SCN7A: variants seen among roughly 807,000 people sequenced by gnomAD.
The protein encoded by SCN7A is sodium channel protein type 7 subunit alpha.
SCN7A carries 138 observed loss-of-function variants against 155.2 expected under a neutral mutation model. That is an observed-to-expected ratio of 0.89 (90% CI 0.77 to 1.02). SCN7A has a LOEUF of 1.02. Among genes scored for constraint, SCN7A ranks in the 50% least tolerant of loss-of-function variants. The probability of loss-of-function intolerance (pLI) is 0.00; values close to 1 mark genes in which losing one functional copy is unlikely to be tolerated. For missense variants in SCN7A, 2,058 were observed against 1,986.6 expected, an observed-to-expected ratio of 1.04 and a Z score of -0.68; for synonymous variants, 693 against 649.0, an observed-to-expected ratio of 1.07 and a Z score of -1.03.
At chr2:166,466,026 T>C in intron 7 of SCN7A, 39 bp from the exon 8 acceptor site, 1 of 1,484,274 alleles carries the variant, frequency 6.7e-7, no homozygotes. Flanking sequence ...TAATGTAATA[T>C]CTTAGAAAAG....
rs755341149 is a variant in SCN7A at position 166,456,955 on chromosome 2, T to C, written c.1205A>G (p.Gln402Arg). 48 of 1,594,908 alleles carry C rather than the reference T, an allele frequency of 3.0e-5. No individual in the cohort carries two copies. Among genetic ancestry groups the C allele is most frequent in the Non-Finnish European group, 3.6e-5 (42 of 1,170,084 alleles). ...CTTCTTAGATATTTCACCAACTCTC[T>C]GCTTTTCTTCTTCATAGGCCATGGC... ...ILAMAYEEEK[Q>R]RVGEISKKIE... The change falls in exon 11 of 26, where the codon CAG becomes CGG. Residue 402 changes from glutamine (Q) to arginine (R), a missense_variant. Gln to Arg is a conservative substitution (Grantham distance 43). Coordinates refer to ENST00000643258, the MANE Select transcript of SCN7A (RefSeq NM_002976.4).
chr2:166,414,002 T>TATATATATATATATAA (rs1443391022), intron 21 of SCN7A, among the ~76,000 whole-genome samples: 10 of 90,316 alleles, frequency 1.1e-4, no homozygotes, highest in African/African-American at 4.1e-4. Flanking sequence ...TATATATATA[T>TATATATATATATATAA]AAATATACTA....
At chr2:166,439,381 T>C (rs1231579966) in intron 15 of SCN7A, among the ~76,000 whole-genome samples, 2 of 152,066 alleles carry the variant, frequency 1.3e-5, no homozygotes, top group Admixed American at 6.6e-5. Flanking sequence ...CTGTGGCTTC[T>C]AGAAAAGAAA....
intron 2 of SCN7A, among the ~76,000 whole-genome samples, chr2:166,486,276 A>G (rs1703046173): frequency 6.6e-6 from 1 of 152,190 alleles, no homozygotes; most frequent in South Asian, 2.1e-4. Context: ...TAGATCCACA[A>G]ATGATACCCT....
intron 9 of SCN7A, among the ~76,000 whole-genome samples, chr2:166,464,785 T>G (rs1702491194): frequency 6.6e-6 from 1 of 152,156 alleles, no homozygotes; most frequent in African/African-American, 2.4e-5. Context: ...ATGATAGATT[T>G]ATATTGTCTT....
chr2:166,469,975 T>C (rs923173174), intron 7 of SCN7A, among the ~76,000 whole-genome samples: 1 of 151,900 alleles, frequency 6.6e-6, no homozygotes, highest in African/African-American at 2.4e-5. Flanking sequence ...CACTTCTGAA[T>C]TGCAGCTGAA....
rs375736846 is a variant in SCN7A, at chr2:166,416,781, C to T, written c.3340G>A (p.Glu1114Lys). Residue 1114 changes from glutamate (E) to lysine (K), a missense_variant, in exon 21 of 26, where the codon GAA becomes AAA. Coordinates refer to ENST00000643258, the MANE Select transcript of SCN7A (RefSeq NM_002976.4). ...TTTGCATTTTCCCATAGCATGGATT[C>T]GTTAAACAGAAGGCTTTCACACCGA... ...KSRCESLLFN[E>K]SMLWENAKMN... is the part of the protein sequence containing the mutation. 113 of 1,613,086 alleles carry T rather than the reference C, an allele frequency of 7.0e-5. No individual in the cohort carries two copies. The highest frequency in any genetic ancestry group is 9.0e-5 in the Non-Finnish European group (106 of 1,179,586).
chr2:166,474,526 T>C (rs1261063641), intron 3 of SCN7A, among the ~76,000 whole-genome samples, 182 bp from the exon 4 acceptor site: 3 of 151,828 alleles, frequency 2.0e-5, no homozygotes, highest in Admixed American at 1.3e-4. Flanking sequence ...TATTCATATT[T>C]AGGCTTGCCT....
intron 25 of SCN7A, among the ~76,000 whole-genome samples, chr2:166,409,376 T>C (rs559606790): frequency 1.3e-5 from 2 of 152,078 alleles, no homozygotes; most frequent in South Asian, 4.1e-4. Context: ...TTAGTGTATA[T>C]TATAGAATGA....
chr2:166,460,504 C>T (rs767755680), intron 10 of SCN7A, among the ~76,000 whole-genome samples: 2 of 151,832 alleles, frequency 1.3e-5, no homozygotes, highest in African/African-American at 2.4e-5. Flanking sequence ...GGAAAATAAC[C>T]GGACAAGCAA....
chr2:166,471,007 A>C (rs1702643278), intron 6 of SCN7A, among the ~76,000 whole-genome samples: 1 of 151,906 alleles, frequency 6.6e-6, no homozygotes, highest in African/African-American at 2.4e-5. Context: ...CTAATTACTG[A>C]AAAGATAGTT....
chr2:166,414,018 A>G lies in SCN7A; in HGVS notation c.3415-897T>C, dbSNP rs1314909523. Among the ~76,000 whole-genome samples, 92 of 91,390 alleles carry G rather than the reference A, an allele frequency of 1.0e-3. 1 individual carries two copies. Among genetic ancestry groups the G allele is most frequent in the Non-Finnish European group, 1.7e-3 (78 of 46,970 alleles). 60.0% of individuals were successfully genotyped at this position (91,390 alleles called of 152,430 possible). On this transcript the variant is annotated intron_variant, in intron 21 of 25. Coordinates refer to ENST00000643258, the MANE Select transcript of SCN7A (RefSeq NM_002976.4). ...ATATATATATAAATATACTATATAT[A>G]TGTAAATATATATAAATATATTTAT...
At chr2:166,460,088 T>G (rs1702368986) in intron 10 of SCN7A, among the ~76,000 whole-genome samples, 1 of 152,140 alleles carries the variant, frequency 6.6e-6, no homozygotes, top group South Asian at 2.1e-4. Flanking sequence ...GTAACAAATC[T>G]GCACATTCTG....
rs756837268 is a variant in SCN7A, at chr2:166,416,719, A to G, written c.3402T>C (p.Ser1134=). ...AAAGTGTACTTACTACTTGAAGCAG[A>G]GAAAGGAAACCATTTCCAACATTAT... ...NFDNVGNGFL[S]LLQVATFNGW... The change falls in exon 21 of 26, where the codon TCT becomes TCC. Residue 1134 remains serine, a synonymous_variant. Transcript: ENST00000643258. 6.8e-6 allele frequency: 11 copies of G among 1,606,208 alleles called. No homozygotes were observed. In the East Asian group the frequency reaches 2.5e-4, roughly 36 times the overall value.
intron 2 of SCN7A, among the ~76,000 whole-genome samples, chr2:166,483,113 G>A (rs1463399073): frequency 6.6e-6 from 1 of 151,948 alleles, no homozygotes; most frequent in Non-Finnish European, 1.5e-5. Flanking sequence ...ATTTTATATT[G>A]TTGACTGAAG....
chr2:166,421,214 A>T lies in SCN7A; in HGVS notation c.3111T>A (p.Val1037=), dbSNP rs1175909781. The T allele has an allele frequency of 7.8e-6, 12 of 1,530,622 alleles. 1 individual carries two copies. In the South Asian group the frequency reaches 1.4e-4, roughly 18 times the overall value. 94.8% of individuals were successfully genotyped at this position (1,530,622 alleles called of 1,614,324 possible). Residue 1037 remains valine (V), a synonymous_variant, in exon 20 of 26, where the codon GTT becomes GTA. Coordinates refer to ENST00000643258, the MANE Select transcript of SCN7A (RefSeq NM_002976.4). ...CCTTCATTCTTTCAAATTGAGATAG[A>T]ACTCTGAGGGGCCGAAGGAATTTCA... The part of the protein sequence containing the change: ...ISMKFLRPLR[V]LSQFERMKVV...
intron 2 of SCN7A, among the ~76,000 whole-genome samples, chr2:166,485,730 G>A (rs145520136): frequency 3.3e-5 from 5 of 152,230 alleles, no homozygotes; most frequent in African/African-American, 7.2e-5. Context: ...GAAAGTGGTC[G>A]AGCCCCACAT....
chr2:166,409,469 G>C lies in SCN7A; in HGVS notation c.3982+196C>G, dbSNP rs937238839. 5.3e-5 allele frequency among the ~76,000 whole-genome samples: 8 copies of C among 151,812 alleles called. No homozygotes were observed. The South Asian group carries it at 1.7e-3, about 31-fold the overall frequency. ...ATTTTTGAACATCTTATCTCTATTA[G>C]GCATGGGTGGTACACATATGAATAC... On this transcript the variant is annotated intron_variant, in intron 25 of 25. Transcript: ENST00000643258.
chr2:166,416,685 G>A, intron 21 of SCN7A, 22 bp downstream of exon 21: 1 of 1,562,550 alleles, frequency 6.4e-7, no homozygotes, highest in Non-Finnish European at 8.7e-7. Flanking sequence ...AATTAATAAG[G>A]AAAAGTCAAA....
Sources: allele counts gnomAD v4.1 joint callset (sites outside exome capture counted in the v4.1 genomes callset), GRCh38; gene constraint gnomAD v4.1.1; transcripts MANE v1.5; gene names NCBI Gene and HGNC (gene_info 2026-07-23, HGNC 2026-07-21).